PTPRR: variants seen among roughly 807,000 people sequenced by gnomAD.
PTPRR encodes receptor-type tyrosine-protein phosphatase R.
A neutral mutation model predicts 77.2 loss-of-function variants in PTPRR; 38 were observed. The ratio of observed to expected loss-of-function variants is 0.49; its 90% CI spans 0.38 to 0.65. The LOEUF (loss-of-function observed/expected upper bound fraction) is 0.65. Among genes scored for constraint, PTPRR ranks in the 30% least tolerant of loss-of-function variants. PTPRR has a pLI of 0.00. For synonymous variants in PTPRR, 299 were observed against 283.1 expected (o/e 1.06, Z -0.57); for missense variants, 744 against 799.2 (o/e 0.93, Z 0.83).
chr12:70,774,288 C>G (rs770281914), intron 2 of PTPRR, among the ~76,000 whole-genome samples: 15 of 152,282 alleles, frequency 9.9e-5, no homozygotes, highest in African/African-American at 3.1e-4. Flanking sequence ...TGCTGGGAAC[C>G]CACAAGCCCC....
At chr12:70,853,677 A>T (rs1269247105) in intron 2 of PTPRR, among the ~76,000 whole-genome samples, 1 of 152,154 alleles carries the variant, frequency 6.6e-6, no homozygotes, top group Non-Finnish European at 1.5e-5. Flanking sequence ...ATCCCAGGAC[A>T]TGGACCCATC....
At chr12:70,918,980 T>C (rs1045779024) in intron 1 of PTPRR, among the ~76,000 whole-genome samples, 2 of 152,248 alleles carry the variant, frequency 1.3e-5, no homozygotes, top group Non-Finnish European at 2.9e-5. Context: ...AAAGAACTAT[T>C]GAAAACTCCA....
intron 6 of PTPRR, among the ~76,000 whole-genome samples, chr12:70,736,964 G>A (rs540915346): frequency 1.3e-5 from 2 of 152,176 alleles, no homozygotes; most frequent in Non-Finnish European, 2.9e-5. Flanking sequence ...CACCCAGGTC[G>A]CCTTTCTCCA....
intron 2 of PTPRR, among the ~76,000 whole-genome samples, chr12:70,834,238 T>C (rs1160456889): frequency 6.6e-6 from 1 of 152,198 alleles, no homozygotes; most frequent in Non-Finnish European, 1.5e-5. Flanking sequence ...GTTTTATTCA[T>C]TTTAAGTTTT....
At chr12:70,777,605 A>C (rs1212083075) in intron 2 of PTPRR, among the ~76,000 whole-genome samples, 1 of 152,208 alleles carries the variant, frequency 6.6e-6, no homozygotes, top group Non-Finnish European at 1.5e-5. Context: ...ACTACCCAGA[A>C]TTCTCCATGA....
intron 4 of PTPRR, chr12:70,754,544 A>T: frequency 6.3e-7 from 1 of 1,593,268 alleles, no homozygotes; most frequent in Non-Finnish European, 8.5e-7. Context: ...TGCAGGTCCC[A>T]GGCTTTCTAA....
chr12:70,832,499 A>G (rs899396672), intron 2 of PTPRR, among the ~76,000 whole-genome samples: 2 of 152,206 alleles, frequency 1.3e-5, no homozygotes, highest in South Asian at 4.1e-4. Context: ...TTGATGTGAT[A>G]GGGTGGTGAG....
Position 70,684,102 on chromosome 12 carries a change from T to C in PTPRR, c.1497+25A>G, listed in dbSNP as rs201819921. The C allele has an allele frequency of 1.6e-3, 2,605 of 1,610,372 alleles. 6 individuals are homozygous for C. The highest frequency in any genetic ancestry group is 2.1e-3 in the Non-Finnish European group (2,450 of 1,177,634). ...CTATAGCAACAGAACACATATAACATTCAGAACTTGATTAAAGATCATACC... is the reference window on the plus strand; with the variant it reads ...CTATAGCAACAGAACACATATAACACTCAGAACTTGATTAAAGATCATACC... On this transcript the variant is annotated intron_variant, in intron 10 of 13. Transcript: ENST00000283228.
At chr12:70,900,074 A>C (rs896117654) in intron 1 of PTPRR, among the ~76,000 whole-genome samples, 3 of 151,656 alleles carry the variant, frequency 2.0e-5, no homozygotes, top group Non-Finnish European at 3.0e-5. Context: ...GAATTAGAAG[A>C]CTCTACATAA....
chr12:70,798,797 C>T (rs1448061391), intron 2 of PTPRR, among the ~76,000 whole-genome samples: 1 of 125,026 alleles, frequency 8.0e-6, no homozygotes, highest in Non-Finnish European at 1.6e-5. Context: ...ATGTATCTTA[C>T]ATAGACCTTA....
chr12:70,696,972 AT>A (rs1326668001), intron 8 of PTPRR, among the ~76,000 whole-genome samples: 3 of 152,078 alleles, frequency 2.0e-5, no homozygotes, highest in Non-Finnish European at 4.4e-5. Flanking sequence ...ACTATACTAC[AT>A]TTTATCTATC....
intron 6 of PTPRR, among the ~76,000 whole-genome samples, chr12:70,730,295 C>T (rs1889606915): frequency 2.6e-5 from 4 of 152,000 alleles, no homozygotes; most frequent in African/African-American, 7.2e-5. Context: ...TGGATCACCT[C>T]AGGTCAGGAG....
chr12:70,693,375 C>T lies in PTPRR; in HGVS notation c.1279+4890G>A, dbSNP rs946588331. ...TCCCAGATGTGATCACAGCTCACTG[C>T]GACCTCAACCTCCCGGGCTCAAGTG... On this transcript the variant is annotated intron_variant, in intron 8 of 13. Coordinates refer to ENST00000283228, the MANE Select transcript of PTPRR (RefSeq NM_002849.4). 3.3e-5 allele frequency among the ~76,000 whole-genome samples: 5 copies of T among 152,034 alleles called. 1 individual carries two copies. Among genetic ancestry groups the T allele is most frequent in the South Asian group, 4.2e-4 (2 of 4,810 alleles).
intron 8 of PTPRR, among the ~76,000 whole-genome samples, chr12:70,694,246 A>G (rs1051197710): frequency 1.3e-5 from 2 of 152,218 alleles, no homozygotes; most frequent in Non-Finnish European, 2.9e-5. Flanking sequence ...AGATGTTAAA[A>G]TTTTAAATAT....
chr12:70,756,932 T>G (rs1392541937), intron 4 of PTPRR, among the ~76,000 whole-genome samples: 1 of 152,146 alleles, frequency 6.6e-6, no homozygotes, highest in Non-Finnish European at 1.5e-5. Context: ...TGTTACAAAG[T>G]ATCTGGTTAA....
intron 2 of PTPRR, among the ~76,000 whole-genome samples, chr12:70,860,144 A>T (rs566707624): frequency 6.6e-6 from 1 of 152,194 alleles, no homozygotes; most frequent in East Asian, 1.9e-4. Context: ...AGTACTACAG[A>T]TACATCTCTT....
In PTPRR at chr12:70,656,764, T is replaced by C. The variant is rs1211904409; in HGVS notation, c.1820A>G (p.Gln607Arg). The change falls in exon 13 of 14, where the codon CAG becomes CGG. Residue 607 changes from glutamine (Q) to arginine (R), a missense_variant. Gln to Arg is a conservative substitution (Grantham distance 43). This residue lies in a region of PTPRR where 170 missense variants were observed against 209.8 expected (regional missense o/e 0.81). Transcript: ENST00000283228. ...ATCCACAACTCCTTCTTCTTTCAGC[T>C]GTTGACAGCCAATGGATGTAGCAAT... ...CFIATSIGCQ[Q>R]LKEEGVVDAL... The C allele has an allele frequency of 6.2e-7, 1 of 1,613,900 alleles. No homozygotes were observed. The highest frequency in any genetic ancestry group is 1.3e-5 in the African/African-American group (1 of 74,908).
chr12:70,750,223 T>C (rs1312278867), intron 5 of PTPRR, among the ~76,000 whole-genome samples: 2 of 152,218 alleles, frequency 1.3e-5, no homozygotes, highest in Non-Finnish European at 1.5e-5. Context: ...TCTTATGTTG[T>C]TGTTACATAG....
Position 70,692,201 on chromosome 12 carries a change from T to G in PTPRR, c.1279+6064A>C, listed in dbSNP as rs76478774. ...CAAGAAGGTATTGTATATAATCCTA[T>G]TTGTCCGTTGGACTCAATTTTATTA... On this transcript the variant is annotated intron_variant, in intron 8 of 13. Transcript: ENST00000283228. Among the ~76,000 whole-genome samples the G allele has an allele frequency of 3.4e-3, 523 of 152,296 alleles. 3 individuals are homozygous for G. The highest frequency in any genetic ancestry group is 0.011 in the African/African-American group (475 of 41,564).
Sources: gnomAD v4.1 joint callset for allele counts (sites outside exome capture counted in the v4.1 genomes callset) on GRCh38, gnomAD v4.1.1 for gene constraint, gnomAD v4.1.1 regional missense constraint, MANE v1.5 for transcripts, NCBI Gene and HGNC (gene_info 2026-07-23, HGNC 2026-07-21) for gene names.